The following CEP78 variants were observed in gnomAD, a reference collection of about 807,000 sequenced individuals.
CEP78 encodes centrosomal protein 78, also known as centrosomal protein of 78 kDa.
CEP78 carries 76 observed loss-of-function variants against 81.2 expected under a neutral mutation model. That is an observed-to-expected ratio of 0.94 (90% CI 0.78 to 1.13). CEP78 has a LOEUF of 1.13. Among genes scored for constraint, CEP78 ranks in the 50% most tolerant of loss-of-function variants. CEP78 has a pLI of 0.00. For missense variants in CEP78, 918 were observed against 846.8 expected, an observed-to-expected ratio of 1.08 and a Z score of -1.04; for synonymous variants, 293 against 301.4, an observed-to-expected ratio of 0.97 and a Z score of 0.29.
rs1334222180 is a variant in CEP78 at position 78,236,287 on chromosome 9, G to C, written c.-64G>C. ...GCCGGAGCGGCCGGGTTGCGACTCA[G>C]CGTTCTTGGGTGGGCGCGGGCGGCG... On this transcript the variant is annotated 5_prime_UTR_variant, in exon 1 of 17. Transcript: ENST00000643273. 1 of 1,450,690 alleles carries C rather than the reference G, an allele frequency of 6.9e-7. No homozygotes were observed. Among genetic ancestry groups the C allele is most frequent in the East Asian group, 2.5e-5 (1 of 39,746 alleles). The allele number at this position is 1,450,690 out of a possible 1,614,324, so 89.9% of individuals were successfully genotyped here.
intron 5 of CEP78, among the ~76,000 whole-genome samples, chr9:78,244,246 T>A (rs183288497): frequency 1.0e-4 from 15 of 148,218 alleles, no homozygotes; most frequent in Admixed American, 8.8e-4. Flanking sequence ...TCAAGTATCC[T>A]CCCACTATAC....
chr9:78,241,495 A>G (rs1296014581), intron 3 of CEP78, among the ~76,000 whole-genome samples: 1 of 152,208 alleles, frequency 6.6e-6, no homozygotes, highest in Non-Finnish European at 1.5e-5. Context: ...ATAGAATTGA[A>G]CTATTGCAAT....
At chr9:78,264,428 T>A in intron 13 of CEP78, 112 bp downstream of exon 13, 7 of 738,002 alleles carry the variant, frequency 9.5e-6, no homozygotes, top group Non-Finnish European at 1.3e-5. Context: ...TGTGTAATTA[T>A]AAGTAATACA....
intron 13 of CEP78, among the ~76,000 whole-genome samples, chr9:78,264,906 T>C (rs1311748610): frequency 6.6e-6 from 1 of 152,136 alleles, no homozygotes; most frequent in Admixed American, 6.5e-5. Context: ...GCTGAACGAA[T>C]ATACTGAAAG....
chr9:78,249,054 T>A, intron 8 of CEP78, 181 bp downstream of exon 8: 1 of 288,482 alleles, frequency 3.5e-6, no homozygotes, highest in East Asian at 6.0e-5. Context: ...AGTAAATGAA[T>A]CATTAGGAAA....
chr9:78,239,904 C>A, intron 1 of CEP78, 119 bp from the exon 2 acceptor site: 2 of 777,978 alleles, frequency 2.6e-6, no homozygotes, highest in Non-Finnish European at 4.0e-6. Context: ...TTACATGTGT[C>A]TGTGCTTAAG....
At chr9:78,250,568 G>A (rs896170303) in intron 8 of CEP78, 6 of 185,098 alleles carry the variant, frequency 3.2e-5, no homozygotes, top group African/African-American at 7.0e-5. Context: ...GTAAAACCCT[G>A]TCTCTACTAA....
intron 12 of CEP78, among the ~76,000 whole-genome samples, chr9:78,263,888 C>G (rs1379774401): frequency 6.6e-6 from 1 of 151,834 alleles, no homozygotes; most frequent in South Asian, 2.1e-4. Context: ...ATAGAATGAT[C>G]CAGGTATGTA....
intron 7 of CEP78, 52 bp from the exon 8 acceptor site, chr9:78,248,709 GC>G: frequency 1.1e-6 from 1 of 902,922 alleles, no homozygotes; most frequent in Non-Finnish European, 1.7e-6. Flanking sequence ...TTAAGATGTA[GC>G]CCTCATAAAT....
Position 78,236,384 on chromosome 9 carries a change from G to A in CEP78, c.34G>A (p.Ala12Thr). 6.3e-7 allele frequency: 1 copy of A among 1,589,884 alleles called. No homozygotes were observed. The highest frequency in any genetic ancestry group is 1.1e-5 in the South Asian group (1 of 88,130). The change falls in exon 1 of 17, where the codon GCG becomes ACG. Residue 12 changes from alanine (A) to threonine (T), a missense_variant. Physicochemically the swap from Ala to Thr is moderately conservative, Grantham distance 58. Coordinates refer to ENST00000643273, the MANE Select transcript of CEP78 (RefSeq NM_001330691.3). The part of the protein sequence containing the change: ...IDSVKLRRDS[A>T]ADFFSHYEYL... ...CTCCGTGAAGCTGCGCCGCGACAGC[G>A]CGGCGGACTTCTTCTCCCACTACGA...
Position 78,271,331 on chromosome 9 carries a change from A to G in CEP78, c.*480A>G, listed in dbSNP as rs902213383. The G allele has an allele frequency of 1.3e-5, 2 of 152,434 alleles. No individual in the cohort carries two copies. Among genetic ancestry groups the G allele is most frequent in the Admixed American group, 6.5e-5 (1 of 15,292 alleles). The allele number at this position is 152,434 out of a possible 1,614,324, so 9.4% of individuals were successfully genotyped here. On this transcript the variant is annotated 3_prime_UTR_variant, in exon 17 of 17. Transcript: ENST00000643273. ...AGAATCATCAAATTTGAAGAAAACC[A>G]GTAACATAAAAGGAGGCATGAAATT...
rs1032994888 is a variant in CEP78, at chr9:78,263,045, G to T, written c.1458+61G>T. On this transcript the variant is annotated intron_variant, in intron 12 of 16. Transcript: ENST00000643273. ...TGTTTTGGTTTTGGTTTAACTTTAA[G>T]TCATACATACACACACTTTATAAAC... The T allele has an allele frequency of 2.5e-5, 23 of 913,272 alleles. No individual in the cohort carries two copies. The African/African-American group carries it at 3.5e-4, about 14-fold the overall frequency. 56.6% of individuals were successfully genotyped at this position (913,272 alleles called of 1,614,324 possible).
rs1026341680 is a variant in CEP78 at position 78,273,737 on chromosome 9, C to T, written c.*2886C>T. On this transcript the variant is annotated 3_prime_UTR_variant, in exon 17 of 17. Transcript: ENST00000643273. ...ACTCCAGCCTGGGCCATAGAGGAGA[C>T]TCCGTCTCAAACAAACAAAAACCTT... is the stretch of plus-strand genomic sequence containing the variant. 2.6e-5 allele frequency: 4 copies of T among 152,204 alleles called. No individual in the cohort carries two copies. The highest frequency in any genetic ancestry group is 9.7e-5 in the African/African-American group (4 of 41,444). The allele number at this position is 152,204 out of a possible 1,614,324, so 9.4% of individuals were successfully genotyped here.
intron 5 of CEP78, among the ~76,000 whole-genome samples, chr9:78,244,795 A>G (rs1826403428): frequency 6.6e-6 from 1 of 152,148 alleles, no homozygotes; most frequent in African/African-American, 2.4e-5. Context: ...TATATAAGCT[A>G]TTTCCAGTTT....
At chr9:78,258,345 A>G (rs902543514) in intron 11 of CEP78, among the ~76,000 whole-genome samples, 3 of 152,242 alleles carry the variant, frequency 2.0e-5, no homozygotes, top group African/African-American at 7.2e-5. Context: ...CAGAATATAA[A>G]TATTAACTTT....
Position 78,265,470 on chromosome 9 carries a change from A to G in CEP78, c.1724A>G (p.Glu575Gly), listed in dbSNP as rs780986055. Residue 575 changes from glutamate (E) to glycine (G), a missense_variant, in exon 14 of 17, where the codon GAA becomes GGA. Glu to Gly is a moderately conservative substitution (Grantham distance 98). Transcript: ENST00000643273. Reference sequence around the variant, plus strand: ...TCTACTGTTAGTAATCCACCTAAAGAAGAAAAGAAGGCGCTTGAAGATGAA... The same window carrying G: ...TCTACTGTTAGTAATCCACCTAAAGGAGAAAAGAAGGCGCTTGAAGATGAA... ...MTSTVSNPPK[E>G]EKKALEDEKP... 6.3e-7 allele frequency: 1 copy of G among 1,594,082 alleles called. No homozygotes were observed. The highest frequency in any genetic ancestry group is 1.1e-5 in the South Asian group (1 of 87,540).
At chr9:78,247,686 A>C (rs1489366423) in intron 6 of CEP78, among the ~76,000 whole-genome samples, 1 of 152,190 alleles carries the variant, frequency 6.6e-6, no homozygotes, top group Non-Finnish European at 1.5e-5. Flanking sequence ...GGGGGCTATA[A>C]AAGGGAAAGA....
At chr9:78,254,350 T>G (rs55938525) in intron 10 of CEP78, 7,503 of 152,434 alleles carry the variant, frequency 0.049, 286 homozygotes, top group Admixed American at 0.14. Context: ...TTACAGGCCA[T>G]TCTAGTGTTT....
intron 11 of CEP78, among the ~76,000 whole-genome samples, chr9:78,259,489 A>T (rs892983820): frequency 6.6e-6 from 1 of 152,206 alleles, no homozygotes; most frequent in Non-Finnish European, 1.5e-5. Flanking sequence ...TTTGTGATTT[A>T]AAAAACCTGC....
Sources: allele counts gnomAD v4.1 joint callset (sites outside exome capture counted in the v4.1 genomes callset), GRCh38; gene constraint gnomAD v4.1.1; transcripts MANE v1.5; gene names NCBI Gene and HGNC (gene_info 2026-07-23, HGNC 2026-07-21).